PLXDC2: variants seen among roughly 807,000 people sequenced by gnomAD.
PLXDC2 encodes the protein plexin domain-containing protein 2.
In PLXDC2, 40 loss-of-function variants were observed where a neutral mutation model predicts 68.9. The observed-to-expected ratio is 0.58, with a 90% CI of 0.45 to 0.76. PLXDC2 has a LOEUF of 0.76. Ranked by LOEUF, PLXDC2 falls within the 30% of genes least tolerant of loss-of-function variation. PLXDC2 has a pLI of 0.00. For synonymous variants in PLXDC2, 243 were observed against 234.2 expected (o/e 1.04, Z -0.34); for missense variants, 644 against 661.9 (o/e 0.97, Z 0.30).
At chr10:20,205,608 A>G (rs1324061368) in intron 9 of PLXDC2, among the ~76,000 whole-genome samples, 1 of 152,048 alleles carries the variant, frequency 6.6e-6, no homozygotes, top group African/African-American at 2.4e-5. Flanking sequence ...CATTTTCTAA[A>G]TCCTGTCTAT....
intron 1 of PLXDC2, among the ~76,000 whole-genome samples, chr10:19,966,297 ATGTGTATCAGCCATTTTATTTT>A (rs1834249572): frequency 7.5e-6 from 1 of 132,618 alleles, no homozygotes; most frequent in Admixed American, 7.9e-5. Flanking sequence ...ATACACATAT[ATGTGTATCAGCCATTTTATTTT>A]ATATATGTAT....
chr10:20,282,737 A>T lies in PLXDC2; in HGVS notation c.*2918A>T, dbSNP rs928354329. 2.6e-5 allele frequency: 4 copies of T among 152,178 alleles called. 1 individual carries two copies. The highest frequency in any genetic ancestry group is 1.3e-4 in the Admixed American group (2 of 15,278). 9.4% of individuals were successfully genotyped at this position (152,178 alleles called of 1,614,324 possible). On this transcript the variant is annotated 3_prime_UTR_variant, in exon 14 of 14. Coordinates refer to ENST00000377252, the MANE Select transcript of PLXDC2 (RefSeq NM_032812.9). ...GGCATAAATGGCTTAAGCCCAAGAG[A>T]TGGCACTGACCATAAATGGTGGCTT...
rs180961858 is a variant in PLXDC2, at chr10:20,282,213, G to A, written c.*2394G>A. On this transcript the variant is annotated 3_prime_UTR_variant, in exon 14 of 14. Transcript: ENST00000377252. The stretch of plus-strand genomic sequence containing the variant: ...CAGAACTAAGAGTTAAAGGTAGTGA[G>A]AAGTGTGTGGTGTGTGAATTCTTTA... 1.4e-4 allele frequency: 22 copies of A among 152,300 alleles called. No individual in the cohort carries two copies. The highest frequency in any genetic ancestry group is 1.5e-5 in the Non-Finnish European group (1 of 68,012). 9.4% of individuals were successfully genotyped at this position (152,300 alleles called of 1,614,324 possible).
rs531348062 is a variant in PLXDC2 at position 19,826,321 on chromosome 10, C to T, written c.112+9130C>T. 6.6e-5 allele frequency among the ~76,000 whole-genome samples: 10 copies of T among 152,162 alleles called. No individual in the cohort carries two copies. In the East Asian group the frequency reaches 7.7e-4, roughly 12 times the overall value. On this transcript the variant is annotated intron_variant, in intron 1 of 13. Coordinates refer to ENST00000377252, the MANE Select transcript of PLXDC2 (RefSeq NM_032812.9). The stretch of plus-strand genomic sequence containing the variant: ...TTATATAGGTCCTGGGAATATACAC[C>T]TTTGAATTTTTTGTTGTTGTCATTT...
intron 1 of PLXDC2, among the ~76,000 whole-genome samples, chr10:19,839,352 A>T (rs1836861756): frequency 6.6e-6 from 1 of 152,128 alleles, no homozygotes; most frequent in Admixed American, 6.5e-5. Flanking sequence ...TTAAAACATT[A>T]TGAGATTTTT....
chr10:19,930,493 C>G lies in PLXDC2; in HGVS notation c.113-71282C>G, dbSNP rs181170459. Reference sequence around the variant, plus strand: ...ATGCAATGAAGCTGATATTTGTACTCAGAATTTTTATTTCAGGCATACTGG... The same window carrying G: ...ATGCAATGAAGCTGATATTTGTACTGAGAATTTTTATTTCAGGCATACTGG... On this transcript the variant is annotated intron_variant, in intron 1 of 13. Transcript: ENST00000377252. 1.3e-3 allele frequency among the ~76,000 whole-genome samples: 193 copies of G among 152,174 alleles called. No homozygotes were observed. In the Middle Eastern group the frequency reaches 0.014, roughly 11 times the overall value.
At chr10:19,842,607 C>G (rs558748650) in intron 1 of PLXDC2, among the ~76,000 whole-genome samples, 1 of 152,270 alleles carries the variant, frequency 6.6e-6, no homozygotes, top group Non-Finnish European at 1.5e-5. Flanking sequence ...ATAAGTAACA[C>G]TCATGCTGAC....
At chr10:20,238,731 A>T (rs943091300) in intron 12 of PLXDC2, among the ~76,000 whole-genome samples, 1 of 140,152 alleles carries the variant, frequency 7.1e-6, no homozygotes, top group Non-Finnish European at 1.5e-5. Flanking sequence ...ATATACATAC[A>T]TATATATATG....
In PLXDC2 at chr10:19,938,998, T is replaced by C. The variant is rs531162823; in HGVS notation, c.113-62777T>C. Reference sequence around the variant, plus strand: ...GAGTGGGCATGAAAAAAAACTGAGATAGAATTTTCTGAACTTCAGAGCCAG... The same window carrying C: ...GAGTGGGCATGAAAAAAAACTGAGACAGAATTTTCTGAACTTCAGAGCCAG... On this transcript the variant is annotated intron_variant, in intron 1 of 13. Coordinates refer to ENST00000377252, the MANE Select transcript of PLXDC2 (RefSeq NM_032812.9). Among the ~76,000 whole-genome samples, 4 of 151,978 alleles carry C rather than the reference T, an allele frequency of 2.6e-5. No individual in the cohort carries two copies. The South Asian group carries it at 8.3e-4, about 32-fold the overall frequency.
chr10:19,981,776 T>C (rs544375872), intron 1 of PLXDC2, among the ~76,000 whole-genome samples: 4 of 152,382 alleles, frequency 2.6e-5, no homozygotes, highest in Admixed American at 2.0e-4. Flanking sequence ...GTTGAAATTA[T>C]GTACTTCATA....
intron 9 of PLXDC2, among the ~76,000 whole-genome samples, chr10:20,178,010 G>T (rs542300619): frequency 2.0e-5 from 3 of 152,002 alleles, no homozygotes; most frequent in Non-Finnish European, 4.4e-5. Flanking sequence ...AGCAGTTGAT[G>T]AGCCTATAAA....
At chr10:20,142,033 ATT>A (rs766923373) in intron 4 of PLXDC2, among the ~76,000 whole-genome samples, 14 of 152,086 alleles carry the variant, frequency 9.2e-5, no homozygotes, top group Non-Finnish European at 1.8e-4. Flanking sequence ...GAAAGAAGAT[ATT>A]GCCAAAAAGA....
chr10:19,892,280 C>T (rs1266930637), intron 1 of PLXDC2, among the ~76,000 whole-genome samples: 1 of 152,068 alleles, frequency 6.6e-6, no homozygotes, highest in Non-Finnish European at 1.5e-5. Context: ...GTGTTAGAGG[C>T]GAATGTCTGT....
intron 12 of PLXDC2, among the ~76,000 whole-genome samples, chr10:20,240,541 A>C (rs73605614): frequency 0.24 from 36,902 of 151,880 alleles, 4,558 homozygotes; most frequent in African/African-American, 0.29. Flanking sequence ...CTAGTGAAAG[A>C]ATTTAAAATC....
chr10:19,863,544 G>A (rs537552384), intron 1 of PLXDC2, among the ~76,000 whole-genome samples: 3 of 152,256 alleles, frequency 2.0e-5, no homozygotes, highest in African/African-American at 7.2e-5. Flanking sequence ...AGTGTGACAC[G>A]CAGCACTTCC....
rs1836075156 is a variant in PLXDC2 at position 20,280,988 on chromosome 10, A to G, written c.*1169A>G. ...GACTCTAAGAGTGCGTTTTGTCATC[A>G]AGGCAAAACAGATGCAAGATGCATC... On this transcript the variant is annotated 3_prime_UTR_variant, in exon 14 of 14. Coordinates refer to ENST00000377252, the MANE Select transcript of PLXDC2 (RefSeq NM_032812.9). The G allele has an allele frequency of 6.6e-6, 1 of 152,088 alleles. No homozygotes were observed. The highest frequency in any genetic ancestry group is 2.1e-4 in the South Asian group (1 of 4,828). 9.4% of individuals were successfully genotyped at this position (152,088 alleles called of 1,614,324 possible).
intron 9 of PLXDC2, among the ~76,000 whole-genome samples, chr10:20,181,416 T>G (rs571764914): frequency 7.2e-5 from 11 of 152,088 alleles, no homozygotes; most frequent in African/African-American, 2.6e-4. Flanking sequence ...GCCAGAAAAT[T>G]AATGAATTAA....
rs1293514265 is a variant in PLXDC2, at chr10:20,286,093, A to G, written c.*6274A>G. The G allele has an allele frequency of 6.6e-6, 1 of 152,190 alleles. No homozygotes were observed. The highest frequency in any genetic ancestry group is 2.4e-5 in the African/African-American group (1 of 41,436). The allele number at this position is 152,190 out of a possible 1,614,324, so 9.4% of individuals were successfully genotyped here. A position where few individuals can be genotyped will look rare whatever the true frequency, so the allele number is the denominator to read the frequency against. ...ATTTCTGGAGTCAGTTTTTCATAACAAGTTTATGGAATACATCATCATTGG... is the reference window on the plus strand; with the variant it reads ...ATTTCTGGAGTCAGTTTTTCATAACGAGTTTATGGAATACATCATCATTGG... On this transcript the variant is annotated 3_prime_UTR_variant, in exon 14 of 14. Coordinates refer to ENST00000377252, the MANE Select transcript of PLXDC2 (RefSeq NM_032812.9).
intron 7 of PLXDC2, among the ~76,000 whole-genome samples, chr10:20,168,202 A>G (rs557302247): frequency 1.3e-5 from 2 of 152,290 alleles, no homozygotes; most frequent in Non-Finnish European, 2.9e-5. Context: ...TAAAGCAAGT[A>G]TAAGGAATAT....
Sources: gnomAD v4.1 joint callset for allele counts (sites outside exome capture counted in the v4.1 genomes callset) on GRCh38, gnomAD v4.1.1 for gene constraint, MANE v1.5 for transcripts, NCBI Gene and HGNC (gene_info 2026-07-23, HGNC 2026-07-21) for gene names.